Variants in PTCHD4 observed in about 807,000 individuals in gnomAD.
The protein encoded by PTCHD4 is patched domain containing 4, also known as patched domain-containing protein 4.
PTCHD4 carries 33 observed loss-of-function variants against 58.1 expected under a neutral mutation model. The observed-to-expected ratio is 0.57, with a 90% CI of 0.43 to 0.76. The LOEUF (loss-of-function observed/expected upper bound fraction) is 0.76. Among genes scored for constraint, PTCHD4 ranks in the 30% least tolerant of loss-of-function variants. The pLI is 0.00. For synonymous variants in PTCHD4, 478 were observed against 409.6 expected, an observed-to-expected ratio of 1.17 and a Z score of -2.02; for missense variants, 1,058 against 1,027.1, an observed-to-expected ratio of 1.03 and a Z score of -0.41.
intron 4 of PTCHD4, among the ~76,000 whole-genome samples, chr6:47,961,353 G>A (rs1462724688): frequency 1.3e-5 from 2 of 151,424 alleles, no homozygotes; most frequent in African/African-American, 4.9e-5. Flanking sequence ...AGTCAGTGGC[G>A]TGATCTCGGC....
At chr6:47,937,934 C>T (rs1394932538) in intron 4 of PTCHD4, among the ~76,000 whole-genome samples, 2 of 152,084 alleles carry the variant, frequency 1.3e-5, no homozygotes, top group Admixed American at 6.6e-5. Flanking sequence ...AGGTGGATAA[C>T]CTGAGGTCAG....
chr6:48,084,714 C>G (rs1041969822), intron 1 of PTCHD4, among the ~76,000 whole-genome samples: 2 of 150,174 alleles, frequency 1.3e-5, no homozygotes, highest in African/African-American at 2.4e-5. Context: ...ATTGAGAGTA[C>G]TTTTCTTTTT....
chr6:47,877,479 A>T lies in PTCHD4; in HGVS notation c.*824T>A, dbSNP rs1763878022. On this transcript the variant is annotated 3_prime_UTR_variant, in exon 5 of 5. Transcript: ENST00000339488. ...GTAAACCTTGTCCATGTGGTAATTA[A>T]TTCAAATGCCTTTTGTGTTTTCTTG... Among the ~76,000 whole-genome samples, 1 of 152,082 alleles carries T rather than the reference A, an allele frequency of 6.6e-6. No individual in the cohort carries two copies. Among genetic ancestry groups the T allele is most frequent in the East Asian group, 1.9e-4 (1 of 5,162 alleles).
chr6:48,019,268 T>G (rs1163338314), intron 3 of PTCHD4, among the ~76,000 whole-genome samples: 1 of 152,032 alleles, frequency 6.6e-6, no homozygotes, highest in Non-Finnish European at 1.5e-5. Flanking sequence ...AGTGAGCACA[T>G]GCTCTGTGCT....
In PTCHD4 at chr6:48,069,568, G is replaced by A. The variant is rs189105709; in HGVS notation, c.-611C>T. 6.6e-6 allele frequency among the ~76,000 whole-genome samples: 1 copy of A among 152,306 alleles called. No individual in the cohort carries two copies. Among genetic ancestry groups the A allele is most frequent in the East Asian group, 1.9e-4 (1 of 5,180 alleles). ...CCAGTCCGCTGCAGCTGAGGGCTGCGGAGACTCCATCTATCCCTGGTGCGT... is the reference window on the plus strand; with the variant it reads ...CCAGTCCGCTGCAGCTGAGGGCTGCAGAGACTCCATCTATCCCTGGTGCGT... On this transcript the variant is annotated 5_prime_UTR_variant, in exon 2 of 5. Coordinates refer to ENST00000339488, the MANE Select transcript of PTCHD4 (RefSeq NM_001384253.1).
intron 3 of PTCHD4, among the ~76,000 whole-genome samples, chr6:48,052,164 A>G (rs1764256895): frequency 6.6e-6 from 1 of 152,090 alleles, no homozygotes; most frequent in Non-Finnish European, 1.5e-5. Flanking sequence ...TTTATAAATA[A>G]CACATCATAT....
Position 47,869,794 on chromosome 6 carries a change from A to T in PTCHD4, c.*8509T>A, listed in dbSNP as rs1308516046. ...ATACTAAAAAAACATAGATTATGTTATTTTACATTGTGATGTTATAAGATG... is the reference window on the plus strand; with the variant it reads ...ATACTAAAAAAACATAGATTATGTTTTTTTACATTGTGATGTTATAAGATG... On this transcript the variant is annotated 3_prime_UTR_variant, in exon 5 of 5. Transcript: ENST00000339488. 6.6e-6 allele frequency among the ~76,000 whole-genome samples: 1 copy of T among 151,710 alleles called. No individual in the cohort carries two copies. Among genetic ancestry groups the T allele is most frequent in the African/African-American group, 2.4e-5 (1 of 41,388 alleles).
chr6:47,991,625 TA>T (rs561226972), intron 4 of PTCHD4, among the ~76,000 whole-genome samples: 182 of 149,016 alleles, frequency 1.2e-3, no homozygotes, highest in Non-Finnish European at 8.5e-4. Context: ...TAATGAAGTT[TA>T]AAAAAAAAAC....
At chr6:48,025,821 G>C (rs941816773) in intron 3 of PTCHD4, among the ~76,000 whole-genome samples, 2 of 152,136 alleles carry the variant, frequency 1.3e-5, no homozygotes, top group African/African-American at 4.8e-5. Flanking sequence ...GCTGGCAGTT[G>C]CCTGGACCTC....
At chr6:48,099,574 C>T (rs1429083790) in intron 1 of PTCHD4, among the ~76,000 whole-genome samples, 1 of 152,156 alleles carries the variant, frequency 6.6e-6, no homozygotes, top group Non-Finnish European at 1.5e-5. Context: ...CAGGAAAAAA[C>T]TTACCTTCAG....
chr6:48,062,148 C>T (rs879328285), intron 3 of PTCHD4, among the ~76,000 whole-genome samples: 4 of 151,990 alleles, frequency 2.6e-5, no homozygotes, highest in Non-Finnish European at 4.4e-5. Flanking sequence ...TTGAAAAATG[C>T]AACATAAAGA....
At chr6:48,060,910 A>G (rs983095231) in intron 3 of PTCHD4, among the ~76,000 whole-genome samples, 5 of 152,232 alleles carry the variant, frequency 3.3e-5, no homozygotes, top group Admixed American at 2.6e-4. Context: ...TTCATTTTTG[A>G]ATGCTGTTCA....
rs557842194 is a variant in PTCHD4 at position 47,863,833 on chromosome 6, T to C, written c.*14470A>G. Among the ~76,000 whole-genome samples, 1 of 152,108 alleles carries C rather than the reference T, an allele frequency of 6.6e-6. No homozygotes were observed. The highest frequency in any genetic ancestry group is 2.1e-4 in the South Asian group (1 of 4,824). On this transcript the variant is annotated 3_prime_UTR_variant, in exon 5 of 5. Transcript: ENST00000339488. Reference sequence around the variant, plus strand: ...CAGAGCAACTTATTACAAATAGAGATTACTAAGGCCATCCCTTCAAGAGTT... The same window carrying C: ...CAGAGCAACTTATTACAAATAGAGACTACTAAGGCCATCCCTTCAAGAGTT...
chr6:47,984,581 T>C (rs1767995215), intron 4 of PTCHD4, among the ~76,000 whole-genome samples: 1 of 152,170 alleles, frequency 6.6e-6, no homozygotes, highest in Non-Finnish European at 1.5e-5. Context: ...CAATGATTTA[T>C]TGGTGATTGC....
chr6:48,057,180 G>T lies in PTCHD4; in HGVS notation c.417+11050C>A, dbSNP rs1750058. On this transcript the variant is annotated intron_variant, in intron 3 of 4. Transcript: ENST00000339488. ...CCCTCTTCTGGCGGCGGTTTTTTTT[G>T]TTTTTTTTTGTTTTTTTTGTTTTTT... 7.3e-4 allele frequency among the ~76,000 whole-genome samples: 107 copies of T among 146,636 alleles called. 2 individuals are homozygous for T. The highest frequency in any genetic ancestry group is 2.4e-3 in the African/African-American group (97 of 39,848).
intron 3 of PTCHD4, among the ~76,000 whole-genome samples, chr6:48,026,176 G>A (rs990308132): frequency 2.0e-5 from 3 of 152,126 alleles, no homozygotes; most frequent in Non-Finnish European, 4.4e-5. Context: ...CTCCTGGGCT[G>A]GAAAGTGTTC....
intron 1 of PTCHD4, among the ~76,000 whole-genome samples, chr6:48,095,502 T>C (rs1765447570): frequency 6.6e-6 from 1 of 151,966 alleles, no homozygotes; most frequent in Admixed American, 6.6e-5. Flanking sequence ...GCTAACACGG[T>C]GAAACCCCGT....
chr6:48,046,840 C>G (rs1382907020), intron 3 of PTCHD4, among the ~76,000 whole-genome samples: 1 of 151,856 alleles, frequency 6.6e-6, no homozygotes, highest in Non-Finnish European at 1.5e-5. Flanking sequence ...AGTTGTTCCT[C>G]TTTGGGGCAT....
chr6:47,970,204 T>G (rs763267457), intron 4 of PTCHD4, among the ~76,000 whole-genome samples: 1 of 152,192 alleles, frequency 6.6e-6, no homozygotes, highest in Non-Finnish European at 1.5e-5. Context: ...ATTGAGCACA[T>G]GCATTTAAGT....
Sources: gnomAD v4.1 joint callset for allele counts (sites outside exome capture counted in the v4.1 genomes callset) on GRCh38, gnomAD v4.1.1 for gene constraint, MANE v1.5 for transcripts, NCBI Gene and HGNC (gene_info 2026-07-23, HGNC 2026-07-21) for gene names.